Variants in RABEP1 observed in about 807,000 individuals in gnomAD.
The protein encoded by RABEP1 is rabaptin, RAB GTPase binding effector protein 1, also known as rab GTPase-binding effector protein 1.
In RABEP1, 51 loss-of-function variants were observed where a neutral mutation model predicts 123.4. The ratio of observed to expected loss-of-function variants is 0.41; its 90% CI spans 0.33 to 0.52. The LOEUF (loss-of-function observed/expected upper bound fraction) is 0.52. Among genes scored for constraint, RABEP1 ranks in the 20% least tolerant of loss-of-function variants. The pLI is 0.16. For missense variants in RABEP1, 888 were observed against 996.3 expected, an observed-to-expected ratio of 0.89 and a Z score of 1.46; for synonymous variants, 347 against 355.2, an observed-to-expected ratio of 0.98 and a Z score of 0.26.
chr17:5,386,163 T>C lies in RABEP1; in HGVS notation c.*2940T>C, dbSNP rs184082869. On this transcript the variant is annotated 3_prime_UTR_variant, in exon 18 of 18. Coordinates refer to ENST00000537505, the MANE Select transcript of RABEP1 (RefSeq NM_004703.6). ...CTGTTTTACAATATGGGTTTAAGCC[T>C]TCAATGGTGTTCAGTTCAGGTGTGA... 90 of 1,485,344 alleles carry C rather than the reference T, an allele frequency of 6.1e-5. No individual in the cohort carries two copies. The African/African-American group carries it at 1.1e-3, about 18-fold the overall frequency. 92.0% of individuals were successfully genotyped at this position (1,485,344 alleles called of 1,614,324 possible).
chr17:5,286,114 C>T (rs998576384), intron 1 of RABEP1, among the ~76,000 whole-genome samples: 3 of 152,120 alleles, frequency 2.0e-5, no homozygotes, highest in Admixed American at 1.3e-4. Flanking sequence ...TACTTGCCAA[C>T]GATATATGGC....
chr17:5,351,015 A>T (rs897880131), intron 7 of RABEP1, among the ~76,000 whole-genome samples: 9 of 152,138 alleles, frequency 5.9e-5, no homozygotes, highest in African/African-American at 2.2e-4. Flanking sequence ...TTAAAACATT[A>T]TGAGATTTTT....
chr17:5,318,016 G>A (rs11078558), intron 2 of RABEP1, among the ~76,000 whole-genome samples: 25,612 of 152,094 alleles, frequency 0.17, 2,256 homozygotes, highest in Middle Eastern at 0.22. Flanking sequence ...TCCTTCCCAC[G>A]TGCCTTGTCC....
At chr17:5,292,624 TCCAC>T (rs1296699591) in intron 1 of RABEP1, among the ~76,000 whole-genome samples, 3 of 152,122 alleles carry the variant, frequency 2.0e-5, no homozygotes, top group Non-Finnish European at 4.4e-5. Context: ...CCTCATGTGA[TCCAC>T]CCACCTTGGC....
intron 11 of RABEP1, among the ~76,000 whole-genome samples, chr17:5,367,093 G>GA (rs11362207): frequency 2.7e-4 from 40 of 145,860 alleles, no homozygotes; most frequent in South Asian, 1.5e-3. Context: ...CCGTCTGAAA[G>GA]AAAAAAAAAA....
In RABEP1 at chr17:5,311,292, T is replaced by A. The variant is rs60146423; in HGVS notation, c.163+2470T>A. Among the ~76,000 whole-genome samples the A allele has an allele frequency of 7.1e-3, 1,074 of 152,264 alleles. 14 individuals are homozygous for A. Among genetic ancestry groups the A allele is most frequent in the African/African-American group, 0.024 (993 of 41,564 alleles). ...TAAAAACTACTGGCCTAAAGTAACATCTTGTGCTTGGAACTCTTAAAATAT... is the reference window on the plus strand; with the variant it reads ...TAAAAACTACTGGCCTAAAGTAACAACTTGTGCTTGGAACTCTTAAAATAT... On this transcript the variant is annotated intron_variant, in intron 2 of 17. Coordinates refer to ENST00000537505, the MANE Select transcript of RABEP1 (RefSeq NM_004703.6).
chr17:5,355,939 A>G lies in RABEP1; in HGVS notation c.1095+1449A>G, dbSNP rs114445993. Among the ~76,000 whole-genome samples, 1,468 of 152,300 alleles carry G rather than the reference A, an allele frequency of 9.6e-3. 24 individuals are homozygous for G. Among genetic ancestry groups the G allele is most frequent in the African/African-American group, 0.033 (1,380 of 41,558 alleles). ...AGTTTTGGGTACAGCCAATGATTAC[A>G]TAGTGTTTTCATCATGCAGTAATCT... On this transcript the variant is annotated intron_variant, in intron 8 of 17. Transcript: ENST00000537505.
intron 5 of RABEP1, among the ~76,000 whole-genome samples, chr17:5,345,104 G>C (rs942209101): frequency 1.7e-4 from 26 of 152,184 alleles, no homozygotes; most frequent in Admixed American, 1.3e-3. Flanking sequence ...AATGAAAGTG[G>C]GACATCATTT....
chr17:5,378,253 T>C, intron 15 of RABEP1, 21 bp downstream of exon 15: 1 of 1,548,634 alleles, frequency 6.5e-7, no homozygotes, highest in Non-Finnish European at 8.9e-7. Context: ...AGTTTCAAAT[T>C]AATTCTATCA....
At chr17:5,327,712 C>T (rs1198615361) in intron 2 of RABEP1, among the ~76,000 whole-genome samples, 1 of 152,088 alleles carries the variant, frequency 6.6e-6, no homozygotes, top group African/African-American at 2.4e-5. Flanking sequence ...TCAAAATGAT[C>T]ATTACCTTTT....
intron 2 of RABEP1, among the ~76,000 whole-genome samples, chr17:5,323,772 A>ATATATATT (rs796354247): frequency 1.0e-5 from 1 of 97,266 alleles, no homozygotes; most frequent in Non-Finnish European, 2.0e-5. Context: ...ATATATATAT[A>ATATATATT]TCTAGGAATA....
chr17:5,354,637 AGTT>A (rs1280670521), intron 8 of RABEP1, 147 bp downstream of exon 8: 14 of 696,808 alleles, frequency 2.0e-5, no homozygotes, highest in Non-Finnish European at 2.8e-5. Flanking sequence ...CAGTATTTTC[AGTT>A]GTTTTTATGG....
At chr17:5,343,338 G>A (rs1039951415) in intron 5 of RABEP1, among the ~76,000 whole-genome samples, 1 of 152,188 alleles carries the variant, frequency 6.6e-6, no homozygotes, top group Admixed American at 6.5e-5. Flanking sequence ...CAGATTGCTT[G>A]AGCTTAGGAG....
Position 5,378,161 on chromosome 17 carries a change from ATTTTT to A in RABEP1, c.2216-13_2216-9del. 2.6e-6 allele frequency: 4 copies of A among 1,553,554 alleles called. No individual in the cohort carries two copies. The highest frequency in any genetic ancestry group is 3.5e-6 in the Non-Finnish European group (4 of 1,128,926). ...TAATAGATGAATGCTAATACATCTC[ATTTTT>A]TTCCTTCTAGCTTCTATTTCTAGCC... On this transcript the variant is annotated splice_polypyrimidine_tract_variant and intron_variant, in intron 14 of 17. Coordinates refer to ENST00000537505, the MANE Select transcript of RABEP1 (RefSeq NM_004703.6).
chr17:5,310,082 G>C (rs553075887), intron 2 of RABEP1, among the ~76,000 whole-genome samples: 14 of 152,184 alleles, frequency 9.2e-5, no homozygotes, highest in South Asian at 2.1e-4. Flanking sequence ...TAAGCTCATA[G>C]ATGATTCCAG....
At chr17:5,340,103 A>G (rs541012236) in intron 5 of RABEP1, among the ~76,000 whole-genome samples, 1 of 152,204 alleles carries the variant, frequency 6.6e-6, no homozygotes. Context: ...ACAGAATACA[A>G]TCAGAAAAAA....
intron 5 of RABEP1, among the ~76,000 whole-genome samples, chr17:5,343,484 C>T (rs1907790004): frequency 6.6e-6 from 1 of 151,882 alleles, no homozygotes; most frequent in South Asian, 2.1e-4. Context: ...CACTTGAACC[C>T]AGGAGGTGGA....
At chr17:5,289,535 G>T (rs2075013102) in intron 1 of RABEP1, among the ~76,000 whole-genome samples, 1 of 150,104 alleles carries the variant, frequency 6.7e-6, no homozygotes, top group Non-Finnish European at 1.5e-5. Flanking sequence ...AACACTTGTG[G>T]TTTTTTATAT....
intron 2 of RABEP1, among the ~76,000 whole-genome samples, chr17:5,315,540 A>G (rs1016006910): frequency 6.6e-6 from 1 of 152,178 alleles, no homozygotes; most frequent in African/African-American, 2.4e-5. Context: ...AATACTGAGT[A>G]CCAAACAGGA....
Sources: allele counts gnomAD v4.1 joint callset (sites outside exome capture counted in the v4.1 genomes callset), GRCh38; gene constraint gnomAD v4.1.1; transcripts MANE v1.5; gene names NCBI Gene and HGNC (gene_info 2026-07-23, HGNC 2026-07-21).